The following C10orf90 variants were observed in gnomAD, a reference collection of about 807,000 sequenced individuals.
C10orf90 encodes the protein (E2-independent) E3 ubiquitin-conjugating enzyme FATS.
C10orf90 carries 56 observed loss-of-function variants against 62.5 expected under a neutral mutation model. The ratio of observed to expected loss-of-function variants is 0.90; its 90% CI spans 0.72 to 1.12. The LOEUF (loss-of-function observed/expected upper bound fraction) is 1.12, where lower values mean the gene tolerates loss of function less well. Among genes scored for constraint, C10orf90 ranks in the 50% most tolerant of loss-of-function variants. C10orf90 has a pLI of 0.00. For synonymous variants in C10orf90, 386 were observed against 340.4 expected (o/e 1.13, Z -1.47); for missense variants, 970 against 880.4 (o/e 1.10, Z -1.29).
intron 2 of C10orf90, among the ~76,000 whole-genome samples, chr10:126,612,935 C>T (rs975167148): frequency 1.3e-5 from 2 of 152,198 alleles, no homozygotes; most frequent in African/African-American, 4.8e-5. Context: ...CTCGCCCTCG[C>T]AGCTCCAACG....
intron 2 of C10orf90, among the ~76,000 whole-genome samples, chr10:126,532,088 G>A (rs953282697): frequency 3.9e-5 from 6 of 152,134 alleles, no homozygotes; most frequent in Non-Finnish European, 5.9e-5. Context: ...TGAACTCCCC[G>A]ATCATATACA....
intron 2 of C10orf90, among the ~76,000 whole-genome samples, chr10:126,642,868 C>G (rs528970899): frequency 6.6e-6 from 1 of 152,164 alleles, no homozygotes; most frequent in Non-Finnish European, 1.5e-5. Flanking sequence ...ACCAGCACCC[C>G]GCTAACCCCA....
At position 126,464,816 on chromosome 10, in the gene C10orf90, G is replaced by A. The variant is rs114882604; in HGVS notation, c.1705C>T (p.Arg569Ter). The A allele has an allele frequency of 2.1e-3, 3,387 of 1,614,044 alleles. 63 individuals are homozygous for A. The African/African-American group carries it at 0.038, about 18-fold the overall frequency. Residue 569 changes from arginine to a stop codon, truncating the protein, a stop_gained, in exon 5 of 10, where the codon CGA (arginine) becomes TGA (stop). Coordinates refer to ENST00000488181, the MANE Select transcript of C10orf90 (RefSeq NM_001350921.2). LOFTEE classifies it high-confidence loss of function. ...SRDLSEPTERRHQSFLKPRIL... is the reference protein window; with the variant it reads ...SRDLSEPTER ...CTGGGTTTCAGGAAGCTTTGATGTC[G>A]TCTCTCTGTGGGCTCAGAAAGGTCT... is the stretch of plus-strand genomic sequence containing the variant.
chr10:126,504,753 G>T lies in C10orf90; in HGVS notation c.738C>A (p.Pro246=). Residue 246 remains proline (P), a synonymous_variant, in exon 4 of 10, where the codon CCC becomes CCA. Coordinates refer to ENST00000488181, the MANE Select transcript of C10orf90 (RefSeq NM_001350921.2). This position sits in a 1 kb window ranked among gnomAD's most constrained non-coding sequence, Gnocchi z 4.1. ...TCCCCCACACCAGGGCGCGGGCTGG[G>T]GGGCCCACGCGTCTGGCCGTGATGG... ...SITITARRVG[P]PARALVWGTA... 6.3e-7 allele frequency: 1 copy of T among 1,592,176 alleles called. No individual in the cohort carries two copies. Among genetic ancestry groups the T allele is most frequent in the African/African-American group, 1.3e-5 (1 of 74,474 alleles).
chr10:126,653,979 T>C (rs190939112), intron 1 of C10orf90, among the ~76,000 whole-genome samples: 2 of 152,314 alleles, frequency 1.3e-5, no homozygotes, highest in Admixed American at 6.5e-5. Context: ...TCTTTTTTTT[T>C]CTAAGCAGCA....
At chr10:126,592,813 C>G (rs541609821) in intron 2 of C10orf90, among the ~76,000 whole-genome samples, 1 of 152,210 alleles carries the variant, frequency 6.6e-6, no homozygotes, top group East Asian at 1.9e-4. Context: ...GGTCTAATAT[C>G]CAGAGTCTAC....
chr10:126,646,469 G>A (rs751661296), intron 2 of C10orf90, 96 bp downstream of exon 2: 3 of 290,868 alleles, frequency 1.0e-5, no homozygotes, highest in Non-Finnish European at 2.0e-5. Flanking sequence ...AGGCTCAAAA[G>A]TACATTCCAT....
chr10:126,582,434 A>C (rs1440775793), intron 2 of C10orf90, among the ~76,000 whole-genome samples: 1 of 152,160 alleles, frequency 6.6e-6, no homozygotes, highest in Non-Finnish European at 1.5e-5. Flanking sequence ...TGAAGCCCGC[A>C]TGGAAGTGTG....
In C10orf90 at chr10:126,652,210, C is replaced by T. The variant is rs143706664; in HGVS notation, c.241-5573G>A. On this transcript the variant is annotated intron_variant, in intron 1 of 9. Coordinates refer to ENST00000488181, the MANE Select transcript of C10orf90 (RefSeq NM_001350921.2). ...ATTTATTGCTCTACCATGATTCCCT[C>T]TTCATGCTTCATCTCTTCATGTTTA... is the stretch of plus-strand genomic sequence containing the variant. Among the ~76,000 whole-genome samples, 185 of 152,334 alleles carry T rather than the reference C, an allele frequency of 1.2e-3. 4 individuals carry two copies. In the Middle Eastern group the frequency reaches 0.031, roughly 25 times the overall value.
chr10:126,651,735 C>G (rs528732419), intron 1 of C10orf90, among the ~76,000 whole-genome samples: 1 of 152,116 alleles, frequency 6.6e-6, no homozygotes, highest in African/African-American at 2.4e-5. Context: ...TGGACATGTG[C>G]GTAGTTTGCA....
At chr10:126,602,101 T>C (rs1845210392) in intron 2 of C10orf90, among the ~76,000 whole-genome samples, 1 of 152,166 alleles carries the variant, frequency 6.6e-6, no homozygotes, top group African/African-American at 2.4e-5. Flanking sequence ...TCCCTCCCAA[T>C]GAGGCCCACA....
intron 1 of C10orf90, among the ~76,000 whole-genome samples, chr10:126,651,737 T>C (rs188089991): frequency 4.7e-4 from 72 of 152,316 alleles, no homozygotes; most frequent in African/African-American, 1.6e-3. Flanking sequence ...GACATGTGCG[T>C]AGTTTGCAGA....
chr10:126,504,192 G>T lies in C10orf90; in HGVS notation c.1299C>A (p.Asn433Lys), dbSNP rs1862570748. 8 of 1,613,968 alleles carry T rather than the reference G, an allele frequency of 5.0e-6. No homozygotes were observed. The highest frequency in any genetic ancestry group is 6.8e-6 in the Non-Finnish European group (8 of 1,180,034). Residue 433 changes from asparagine (N) to lysine (K), a missense_variant, in exon 4 of 10, where the codon AAC becomes AAA. Coordinates refer to ENST00000488181, the MANE Select transcript of C10orf90 (RefSeq NM_001350921.2). This position sits in a 1 kb window ranked among gnomAD's most constrained non-coding sequence, Gnocchi z 4.1. Reference protein sequence around the residue: ...GDQDLVGQRWNPGLQESHLKE... With the variant: ...GDQDLVGQRWKPGLQESHLKE... ...TCAAGTGACTTTCTTGTAAACCTGG[G>T]TTCCAGCGCTGGCCTACGAGGTCCT... is the stretch of plus-strand genomic sequence containing the variant.
intron 2 of C10orf90, among the ~76,000 whole-genome samples, chr10:126,554,202 T>G (rs978982525): frequency 2.6e-5 from 4 of 152,150 alleles, no homozygotes; most frequent in Non-Finnish European, 5.9e-5. Flanking sequence ...TAAATAATAC[T>G]TGGCATAGAA....
chr10:126,506,272 T>C (rs1431850296), intron 3 of C10orf90, among the ~76,000 whole-genome samples: 1 of 152,262 alleles, frequency 6.6e-6, no homozygotes, highest in Non-Finnish European at 1.5e-5. Flanking sequence ...CATTTGTTTC[T>C]ATTATGGTTA....
chr10:126,504,719 C>T lies in C10orf90; in HGVS notation c.772G>A (p.Asp258Asn). Reference sequence around the variant, plus strand: ...GCCCTGCACTTGGGGCACAGAGAGTCCCCAGCAGTCCCCCACACCAGGGCG... The same window carrying T: ...GCCCTGCACTTGGGGCACAGAGAGTTCCCAGCAGTCCCCCACACCAGGGCG... Reference protein sequence around the residue: ...ARALVWGTAGDSLCPKCRAED... With the variant: ...ARALVWGTAGNSLCPKCRAED... Residue 258 changes from aspartate (D) to asparagine (N), a missense_variant, in exon 4 of 10, where the codon GAC becomes AAC. By Grantham distance (23) the Asp-to-Asn change is conservative. Coordinates refer to ENST00000488181, the MANE Select transcript of C10orf90 (RefSeq NM_001350921.2). This position sits in a 1 kb window ranked among gnomAD's most constrained non-coding sequence, Gnocchi z 4.1. 1 of 1,606,190 alleles carries T rather than the reference C, an allele frequency of 6.2e-7. No homozygotes were observed. Among genetic ancestry groups the T allele is most frequent in the Non-Finnish European group, 8.5e-7 (1 of 1,175,304 alleles).
chr10:126,585,968 T>C (rs1339675404), intron 2 of C10orf90, among the ~76,000 whole-genome samples: 2 of 152,198 alleles, frequency 1.3e-5, no homozygotes, highest in Non-Finnish European at 2.9e-5. Context: ...CCTAGTGCTG[T>C]AAGCAACAGG....
chr10:126,426,668 A>C (rs1172994577), intron 8 of C10orf90, among the ~76,000 whole-genome samples: 2 of 152,168 alleles, frequency 1.3e-5, no homozygotes, highest in East Asian at 3.9e-4. Flanking sequence ...CCTACTTTCT[A>C]ACAGCAACTT....
chr10:126,501,439 G>A (rs1564836797), intron 4 of C10orf90, among the ~76,000 whole-genome samples: 1 of 152,192 alleles, frequency 6.6e-6, no homozygotes, highest in Admixed American at 6.5e-5. Flanking sequence ...TCCGAGGCAA[G>A]TGCCCCACAG....
Sources: allele counts gnomAD v4.1 joint callset (sites outside exome capture counted in the v4.1 genomes callset), GRCh38; gene constraint gnomAD v4.1.1; non-coding constraint Gnocchi (gnomAD v3.1); transcripts MANE v1.5; gene names NCBI Gene and HGNC (gene_info 2026-07-23, HGNC 2026-07-21).